Variants in ARHGAP32 observed in about 807,000 individuals in gnomAD.
ARHGAP32 encodes Rho GTPase activating protein 32.
ARHGAP32 carries 51 observed loss-of-function variants against 186.5 expected under a neutral mutation model. The ratio of observed to expected loss-of-function variants is 0.27; its 90% CI spans 0.22 to 0.35. ARHGAP32 has a LOEUF of 0.35. ARHGAP32 is among the 10% of genes least tolerant of loss of function. The pLI is 1.00. For missense variants in ARHGAP32, 2,186 were observed against 2,623.5 expected (o/e 0.83, Z 3.64); for synonymous variants, 950 against 964.3 (o/e 0.99, Z 0.27).
At chr11:129,269,997 C>T (rs147942695) in intron 1 of ARHGAP32, among the ~76,000 whole-genome samples, 13 of 151,912 alleles carry the variant, frequency 8.6e-5, no homozygotes, top group Admixed American at 1.3e-4. Context: ...CATATGATCC[C>T]GCAATCGCAT....
intron 1 of ARHGAP32, among the ~76,000 whole-genome samples, chr11:129,198,665 C>T (rs1360821649): frequency 6.6e-6 from 1 of 152,142 alleles, no homozygotes; most frequent in Non-Finnish European, 1.5e-5. Flanking sequence ...TCAATTAAAC[C>T]TCTTTCCTTT....
chr11:129,100,579 G>C (rs1591614489), intron 5 of ARHGAP32, among the ~76,000 whole-genome samples: 1 of 152,236 alleles, frequency 6.6e-6, no homozygotes, highest in East Asian at 1.9e-4. Context: ...CAGTGAACAA[G>C]AGTGCAATCC....
chr11:129,061,775 A>G (rs1253263131), intron 10 of ARHGAP32, among the ~76,000 whole-genome samples: 1 of 152,248 alleles, frequency 6.6e-6, no homozygotes, highest in African/African-American at 2.4e-5. Context: ...ACCTTGGTTA[A>G]CCTCAGGTAA....
At chr11:129,124,760 T>C (rs745438064) in intron 3 of ARHGAP32, 43 bp downstream of exon 3, 5 of 1,410,778 alleles carry the variant, frequency 3.5e-6, no homozygotes, top group Non-Finnish European at 4.9e-6. Context: ...CTGATTTCCA[T>C]TCGTAGGAAT....
At chr11:129,185,010 T>C (rs1324682092) in intron 1 of ARHGAP32, among the ~76,000 whole-genome samples, 1 of 152,176 alleles carries the variant, frequency 6.6e-6, no homozygotes, top group Non-Finnish European at 1.5e-5. Context: ...GGTGGGACTG[T>C]AAACTAGTTC....
intron 1 of ARHGAP32, among the ~76,000 whole-genome samples, chr11:129,207,733 G>A (rs1944532754): frequency 6.6e-6 from 1 of 151,926 alleles, no homozygotes; most frequent in Admixed American, 6.6e-5. Context: ...GATGTTTTCT[G>A]CCATTTCTAC....
Position 128,970,103 on chromosome 11 carries a change from C to T in ARHGAP32, c.5110G>A (p.Ala1704Thr), listed in dbSNP as rs775436375. Residue 1704 changes from alanine (A) to threonine (T), a missense_variant, in exon 23 of 23, where the codon GCT becomes ACT. Ala to Thr is a moderately conservative substitution (Grantham distance 58, BLOSUM62 0). Coordinates refer to ENST00000682385, the MANE Select transcript of ARHGAP32 (RefSeq NM_001378024.1). This position sits in a 1 kb window ranked among gnomAD's most constrained non-coding sequence, Gnocchi z 5.8. ...PLHRLPNRDF[A>T]FYNPRLQGKS... ...CCTTGCAGCCTAGGATTGTAGAAAGCAAAGTCTCGATTGGGAAGGCGGTGA... is the reference window on the plus strand; with the variant it reads ...CCTTGCAGCCTAGGATTGTAGAAAGTAAAGTCTCGATTGGGAAGGCGGTGA... 1.2e-6 allele frequency: 2 copies of T among 1,614,196 alleles called. No homozygotes were observed. Among genetic ancestry groups the T allele is most frequent in the Non-Finnish European group, 1.7e-6 (2 of 1,180,034 alleles).
intron 11 of ARHGAP32, among the ~76,000 whole-genome samples, chr11:129,031,121 C>A (rs192975882): frequency 6.6e-6 from 1 of 152,200 alleles, no homozygotes; most frequent in African/African-American, 2.4e-5. Flanking sequence ...TTTACAGCAA[C>A]GCTAGAATAG....
intron 10 of ARHGAP32, among the ~76,000 whole-genome samples, chr11:129,042,141 AT>A (rs1475503484): frequency 4.6e-4 from 70 of 152,220 alleles, no homozygotes; most frequent in Non-Finnish European, 1.3e-4. Flanking sequence ...GTATTAACAG[AT>A]TATCAGTTTT....
intron 1 of ARHGAP32, among the ~76,000 whole-genome samples, chr11:129,201,105 C>T (rs184461473): frequency 6.6e-6 from 1 of 152,142 alleles, no homozygotes; most frequent in East Asian, 1.9e-4. Flanking sequence ...TTACAAAGAA[C>T]ATATAAAATC....
intron 1 of ARHGAP32, among the ~76,000 whole-genome samples, chr11:129,183,753 T>G (rs1272298837): frequency 1.3e-5 from 2 of 151,874 alleles, no homozygotes; most frequent in Admixed American, 1.3e-4. Context: ...AAGCAGCCAT[T>G]CACACTCCTA....
Position 128,986,581 on chromosome 11 carries a change from C to G in ARHGAP32, c.1386G>C (p.Leu462=), listed in dbSNP as rs765818294. ...GAGGGTTTGGGAGTTCCCGGAAGTA[C>G]AGCTTACATAGGGAACCCACAGAAT... ...DIHSVGSLCK[L]YFRELPNPLL... Residue 462 remains leucine (L), a synonymous_variant, in exon 14 of 23, where the codon CTG becomes CTC. Transcript: ENST00000682385. 80 of 1,613,972 alleles carry G rather than the reference C, an allele frequency of 5.0e-5. No homozygotes were observed. The highest frequency in any genetic ancestry group is 1.6e-4 in the Middle Eastern group (1 of 6,082).
chr11:129,065,035 G>A, intron 7 of ARHGAP32, 102 bp from the exon 8 acceptor site: 1 of 925,184 alleles, frequency 1.1e-6, no homozygotes, highest in Non-Finnish European at 1.7e-6. Context: ...AGATCTTTAG[G>A]CATTTTAATA....
At chr11:129,086,713 C>CGGAAGGCTGAGGCAGG (rs1941414279) in intron 6 of ARHGAP32, among the ~76,000 whole-genome samples, 1 of 150,464 alleles carries the variant, frequency 6.6e-6, no homozygotes, top group Non-Finnish European at 1.5e-5. Context: ...CCCAGCTACT[C>CGGAAGGCTGAGGCAGG]AGAAGGCTGA....
rs1410706913 is a variant in ARHGAP32 at position 128,969,602 on chromosome 11, G to C, written c.5611C>G (p.Gln1871Glu). ...STQPEKPSLPQKQSSLRSRKL... is the reference protein window; with the variant it reads ...STQPEKPSLPEKQSSLRSRKL... The stretch of plus-strand genomic sequence containing the variant: ...CTGCTCCTCAGGCTGCTCTGCTTCT[G>C]AGGCAGGGATGGCTTCTCCGGCTGC... The change falls in exon 23 of 23, where the codon CAG becomes GAG. Residue 1871 changes from glutamine (Q) to glutamate (E), a missense_variant. This residue lies in a region of ARHGAP32 where 1,502 missense variants were observed against 1,570.0 expected (regional missense o/e 0.96). Coordinates refer to ENST00000682385, the MANE Select transcript of ARHGAP32 (RefSeq NM_001378024.1). The surrounding 1 kb of genome is among the most constrained non-coding windows in gnomAD (Gnocchi z 4.8). The C allele has an allele frequency of 6.2e-7, 1 of 1,614,044 alleles. No individual in the cohort carries two copies. The highest frequency in any genetic ancestry group is 8.5e-7 in the Non-Finnish European group (1 of 1,180,048).
intron 10 of ARHGAP32, among the ~76,000 whole-genome samples, chr11:129,049,930 T>A (rs1462199586): frequency 3.3e-5 from 5 of 152,222 alleles, no homozygotes; most frequent in Non-Finnish European, 7.4e-5. Flanking sequence ...TTAACGTCAT[T>A]GATGTTCACA....
intron 1 of ARHGAP32, among the ~76,000 whole-genome samples, chr11:129,165,836 G>C (rs1054022350): frequency 6.6e-6 from 1 of 151,818 alleles, no homozygotes; most frequent in African/African-American, 2.4e-5. Flanking sequence ...CAACCAACTA[G>C]TTTAAACACT....
At chr11:129,258,036 G>T (rs1398390262) in intron 1 of ARHGAP32, among the ~76,000 whole-genome samples, 1 of 152,066 alleles carries the variant, frequency 6.6e-6, no homozygotes, top group African/African-American at 2.4e-5. Flanking sequence ...GTTCAAAAAA[G>T]TCTTATTTTT....
In ARHGAP32 at chr11:129,077,448, G is replaced by A. The variant is rs188133185; in HGVS notation, c.532-10580C>T. Among the ~76,000 whole-genome samples, 3 of 152,246 alleles carry A rather than the reference G, an allele frequency of 2.0e-5. No homozygotes were observed. In the East Asian group the frequency reaches 5.8e-4, roughly 29 times the overall value. ...CCAGCTGACAGGATATAAACTTGGT[G>A]CTGTTGATGGGGGACAGTGGGAATG... On this transcript the variant is annotated intron_variant, in intron 6 of 22. Transcript: ENST00000682385.
Sources: gnomAD v4.1 joint callset for allele counts (sites outside exome capture counted in the v4.1 genomes callset) on GRCh38, gnomAD v4.1.1 for gene constraint, gnomAD v4.1.1 regional missense constraint, Gnocchi (gnomAD v3.1) non-coding constraint, MANE v1.5 for transcripts, NCBI Gene and HGNC (gene_info 2026-07-23, HGNC 2026-07-21) for gene names.